The following PRDM4 variants were observed in gnomAD, a reference collection of about 807,000 sequenced individuals.
PRDM4 encodes PR/SET domain 4.
A neutral mutation model predicts 62.3 loss-of-function variants in PRDM4; 38 were observed. The observed-to-expected ratio is 0.61, with a 90% CI of 0.47 to 0.80. PRDM4 has a LOEUF of 0.80. Among genes scored for constraint, PRDM4 ranks in the 30% least tolerant of loss-of-function variants. The pLI, the probability that PRDM4 is intolerant of heterozygous loss-of-function variation, is 0.00. For missense variants in PRDM4, 858 were observed against 997.1 expected (o/e 0.86, Z 1.88); for synonymous variants, 339 against 348.2 (o/e 0.97, Z 0.30).
At chr12:107,753,862 TA>T (rs1200860819) in intron 4 of PRDM4, 61 bp downstream of exon 4, 9 of 1,475,494 alleles carry the variant, frequency 6.1e-6, no homozygotes, top group Non-Finnish European at 8.3e-6. Context: ...ATCTTCAGGA[TA>T]AAAGTTTAAA....
chr12:107,744,254 C>A (rs1323316433), intron 7 of PRDM4, among the ~76,000 whole-genome samples: 1 of 152,148 alleles, frequency 6.6e-6, no homozygotes. Flanking sequence ...CCTCAGCAGT[C>A]ACAAGTAATT....
At chr12:107,736,906 T>A (rs1288768372) in intron 11 of PRDM4, 1 of 152,252 alleles carries the variant, frequency 6.6e-6, no homozygotes, top group East Asian at 1.9e-4. Context: ...GGTGGTGCCA[T>A]TTAATGAGCT....
intron 1 of PRDM4, 92 bp from the exon 2 acceptor site, chr12:107,760,863 C>G (rs958209284): frequency 2.3e-5 from 4 of 172,444 alleles, no homozygotes; most frequent in African/African-American, 9.7e-5. Flanking sequence ...GCTGCCGACA[C>G]CGCCACCCAA....
chr12:107,734,748 A>C (rs1443112752), intron 11 of PRDM4, among the ~76,000 whole-genome samples: 1 of 152,122 alleles, frequency 6.6e-6, no homozygotes, highest in Non-Finnish European at 1.5e-5. Context: ...ATTCTATGTA[A>C]ATTCTATATG....
intron 7 of PRDM4, 68 bp from the exon 8 acceptor site, chr12:107,743,350 G>A (rs1890581728): frequency 8.8e-7 from 1 of 1,139,504 alleles, no homozygotes; most frequent in Non-Finnish European, 1.3e-6. Flanking sequence ...ATTACACTTA[G>A]GCCAGCAATC....
At chr12:107,739,071 C>G (rs1296799261) in intron 11 of PRDM4, 1 of 236,302 alleles carries the variant, frequency 4.2e-6, no homozygotes, top group Non-Finnish European at 8.3e-6. Context: ...CTCACATGCA[C>G]ACTATCGTCT....
chr12:107,748,938 A>G (rs1236084256), intron 5 of PRDM4, among the ~76,000 whole-genome samples: 1 of 152,232 alleles, frequency 6.6e-6, no homozygotes, highest in East Asian at 1.9e-4. Context: ...TTAGCCTTAT[A>G]TTCATTACAT....
intron 3 of PRDM4, 35 bp downstream of exon 3, chr12:107,756,797 G>A: frequency 6.2e-7 from 1 of 1,611,686 alleles, no homozygotes; most frequent in Non-Finnish European, 8.5e-7. Flanking sequence ...ACAGAGTTAA[G>A]TGTTGAAATG....
intron 10 of PRDM4, among the ~76,000 whole-genome samples, chr12:107,740,630 G>A (rs1249495735): frequency 6.6e-6 from 1 of 152,136 alleles, no homozygotes; most frequent in African/African-American, 2.4e-5. Context: ...GCTCTGGCTG[G>A]TGACTGGGGG....
chr12:107,747,564 A>T (rs1890747930), intron 5 of PRDM4, among the ~76,000 whole-genome samples: 1 of 152,168 alleles, frequency 6.6e-6, no homozygotes, highest in South Asian at 2.1e-4. Context: ...TTCTTTCTGC[A>T]TTGGCAGAGA....
intron 3 of PRDM4, 118 bp downstream of exon 3, chr12:107,756,714 G>T: frequency 8.0e-7 from 1 of 1,243,628 alleles, no homozygotes; most frequent in Non-Finnish European, 1.1e-6. Context: ...ATTCAGGCCT[G>T]CTTACCTTCT....
chr12:107,740,479 C>A (rs997702762), intron 10 of PRDM4, among the ~76,000 whole-genome samples: 2 of 151,130 alleles, frequency 1.3e-5, no homozygotes, highest in African/African-American at 4.9e-5. Flanking sequence ...AGAGTGAGGC[C>A]CTATCTCAAA....
chr12:107,753,495 T>C (rs1471165792), intron 4 of PRDM4, among the ~76,000 whole-genome samples: 2 of 152,176 alleles, frequency 1.3e-5, no homozygotes, highest in South Asian at 2.1e-4. Flanking sequence ...ACCAAAAAGA[T>C]GGATGATGGG....
Position 107,746,386 on chromosome 12 carries a change from G to C in PRDM4, c.1165C>G (p.Pro389Ala). 1 of 1,613,182 alleles carries C rather than the reference G, an allele frequency of 6.2e-7. No homozygotes were observed. The highest frequency in any genetic ancestry group is 8.5e-7 in the Non-Finnish European group (1 of 1,179,470). Residue 389 changes from proline to alanine, a missense_variant, in exon 6 of 12, where the codon CCC becomes GCC. By Grantham distance (27) the Pro-to-Ala change is conservative. This residue lies in a region of PRDM4 where 499 missense variants were observed against 546.7 expected (regional missense o/e 0.91). Coordinates refer to ENST00000228437, the MANE Select transcript of PRDM4 (RefSeq NM_012406.4). ...ACAAAAGTCACTGGTCCATGTTCGG[G>C]ACAGTCCGAGGGATAGGCGCGGTCA... ...LCDRAYPSDC[P>A]EHGPVTFVPD...
intron 3 of PRDM4, among the ~76,000 whole-genome samples, chr12:107,754,527 C>T (rs933394550): frequency 1.3e-5 from 2 of 152,034 alleles, no homozygotes; most frequent in African/African-American, 4.8e-5. Context: ...GGATTACAGG[C>T]ACACACCACC....
Position 107,744,594 on chromosome 12 carries a change from G to A in PRDM4, c.1344C>T (p.His448=). ...CFGPLIGQQS[H]SMEVAEWTDK... ...CTGTCCATTCTGCTACTTCCATGGA[G>A]TGACTCTGCTGGCCAATTAGAGGTC... Residue 448 remains histidine (H), a synonymous_variant, in exon 7 of 12, where the codon CAC becomes CAT. Transcript: ENST00000228437. 1 of 1,613,864 alleles carries A rather than the reference G, an allele frequency of 6.2e-7. No individual in the cohort carries two copies. The highest frequency in any genetic ancestry group is 1.3e-5 in the African/African-American group (1 of 75,030).
Position 107,760,629 on chromosome 12 carries a change from C to G in PRDM4, c.-114G>C. ...ATCTTGCTCACAACCGCTGCACCGA[C>G]GCGGCCACTCGTCCCCGGGGTCGCC... On this transcript the variant is annotated 5_prime_UTR_variant, in exon 2 of 12. Transcript: ENST00000228437. 1 of 1,338,676 alleles carries G rather than the reference C, an allele frequency of 7.5e-7. No individual in the cohort carries two copies. The highest frequency in any genetic ancestry group is 1.4e-5 in the South Asian group (1 of 72,884). The allele number at this position is 1,338,676 out of a possible 1,614,324, so 82.9% of individuals were successfully genotyped here.
At chr12:107,735,601 C>A (rs955911672) in intron 11 of PRDM4, among the ~76,000 whole-genome samples, 10 of 151,616 alleles carry the variant, frequency 6.6e-5, no homozygotes, top group Admixed American at 2.6e-4. Flanking sequence ...AGGAAAAGGC[C>A]AAGGATGCTG....
At chr12:107,754,223 C>A in intron 3 of PRDM4, 114 bp from the exon 4 acceptor site, 1 of 734,368 alleles carries the variant, frequency 1.4e-6, no homozygotes, top group Non-Finnish European at 2.2e-6. Flanking sequence ...AAAATCTCAC[C>A]TACTAGCCCT....
Sources: allele counts gnomAD v4.1 joint callset (sites outside exome capture counted in the v4.1 genomes callset), GRCh38; gene constraint gnomAD v4.1.1; regional missense constraint gnomAD v4.1.1; transcripts MANE v1.5; gene names NCBI Gene and HGNC (gene_info 2026-07-23, HGNC 2026-07-21).